AOX1: variants seen among roughly 807,000 people sequenced by gnomAD.
The protein encoded by AOX1 is aldehyde oxidase 1.
A neutral mutation model predicts 169.5 loss-of-function variants in AOX1; 153 were observed. The ratio of observed to expected loss-of-function variants is 0.90; its 90% CI spans 0.79 to 1.03. AOX1 has a LOEUF of 1.03. Among genes scored for constraint, AOX1 ranks in the 50% least tolerant of loss-of-function variants. AOX1 has a pLI of 0.00. For missense variants in AOX1, 1,656 were observed against 1,663.9 expected (o/e 1.00, Z 0.08); for synonymous variants, 562 against 581.9 (o/e 0.97, Z 0.49).
In AOX1 at chr2:200,586,041, C is replaced by A; in HGVS notation, c.-68C>A. ...TCGGCGGGTCGGTGCCGCCGGGTCC[C>A]AGGTGCCCGCTACTTCCCAGAACCT... On this transcript the variant is annotated 5_prime_UTR_variant, in exon 1 of 35. Coordinates refer to ENST00000374700, the MANE Select transcript of AOX1 (RefSeq NM_001159.4). 2.0e-6 allele frequency: 3 copies of A among 1,534,612 alleles called. No homozygotes were observed. Among genetic ancestry groups the A allele is most frequent in the Non-Finnish European group, 2.6e-6 (3 of 1,137,722 alleles).
At chr2:200,673,083 G>A (rs1285219942), downstream of AOX1, among the ~76,000 whole-genome samples, 2 of 152,196 alleles carry the variant, frequency 1.3e-5, no homozygotes, top group East Asian at 3.8e-4. Context: ...TGCTGATGCA[G>A]GTCGTGGGAG....
chr2:200,642,671 G>T lies in AOX1; in HGVS notation c.2717G>T (p.Arg906Leu). The change falls in exon 25 of 35, where the codon CGG (arginine) becomes CTG (leucine). Residue 906 changes from arginine (R) to leucine (L), a missense_variant. Coordinates refer to ENST00000374700, the MANE Select transcript of AOX1 (RefSeq NM_001159.4). ...TACAAGTTTCCCAATCTCCGCTGCC[G>T]GGGTTGGGCATGCAGAACCAACCTT... ...NAYKFPNLRC[R>L]GWACRTNLPS... 7 of 1,614,100 alleles carry T rather than the reference G, an allele frequency of 4.3e-6. No individual in the cohort carries two copies. Among genetic ancestry groups the T allele is most frequent in the Non-Finnish European group, 5.9e-6 (7 of 1,179,992 alleles).
chr2:200,611,400 T>A lies in AOX1; in HGVS notation c.1170T>A (p.Ile390=). 6.2e-7 allele frequency: 1 copy of A among 1,613,374 alleles called. No homozygotes were observed. The highest frequency in any genetic ancestry group is 8.5e-7 in the Non-Finnish European group (1 of 1,179,430). Residue 390 remains isoleucine, a synonymous_variant, in exon 13 of 35, where the codon ATT becomes ATA. Transcript: ENST00000374700. Reference sequence around the variant, plus strand: ...TTTCCACAGAAGGAAAACGACAGATTCCTTTAAATGAGCAATTCCTCAGCA... The same window carrying A: ...TTTCCACAGAAGGAAAACGACAGATACCTTTAAATGAGCAATTCCTCAGCA... ...NLLSKEGKRQ[I]PLNEQFLSKC...
chr2:200,586,181 C>A (rs1402964014), intron 1 of AOX1, 28 bp downstream of exon 1: 3 of 1,544,338 alleles, frequency 1.9e-6, no homozygotes, highest in Admixed American at 2.0e-5. Flanking sequence ...TCCTCTGCCC[C>A]CAGACCTGCG....
chr2:200,658,004 A>T (rs2035729393), intron 27 of AOX1, among the ~76,000 whole-genome samples: 1 of 152,198 alleles, frequency 6.6e-6, no homozygotes, highest in South Asian at 2.1e-4. Flanking sequence ...CTTTACAATC[A>T]TGAATTGTAT....
rs144294162 is a variant in AOX1, at chr2:200,605,481, C to T, written c.815-55C>T. 11 of 770,808 alleles carry T rather than the reference C, an allele frequency of 1.4e-5. No homozygotes were observed. In the African/African-American group the frequency reaches 1.5e-4, roughly 10 times the overall value. 47.7% of individuals were successfully genotyped at this position (770,808 alleles called of 1,614,324 possible). On this transcript the variant is annotated intron_variant, in intron 9 of 34. Transcript: ENST00000374700. ...TAATAATAATTTCAAATTTAAAAGG[C>T]AGTTAGTTCCTTTATTCTAGTCTTA...
At chr2:200,621,750 T>A (rs1305495027) in intron 18 of AOX1, among the ~76,000 whole-genome samples, 2 of 152,036 alleles carry the variant, frequency 1.3e-5, no homozygotes, top group East Asian at 3.8e-4. Flanking sequence ...TTTTATTTTT[T>A]ATTTTATTTT....
At position 200,621,247 on chromosome 2, in the gene AOX1, G is replaced by A; in HGVS notation, c.2001+1G>A. On this transcript the variant is annotated splice_donor_variant, in intron 18 of 34. Coordinates refer to ENST00000374700, the MANE Select transcript of AOX1 (RefSeq NM_001159.4). LOFTEE classifies it high-confidence loss of function. ...TGAGAAATTTCTGGCGACAGATAAG[G>A]TACTGCATTTTTGCTTTCTATTTGA... is the stretch of plus-strand genomic sequence containing the variant. 1.2e-6 allele frequency: 2 copies of A among 1,609,266 alleles called. No individual in the cohort carries two copies. Among genetic ancestry groups the A allele is most frequent in the Non-Finnish European group, 1.7e-6 (2 of 1,178,834 alleles).
chr2:200,675,703 A>C (rs2036084687), downstream of AOX1, among the ~76,000 whole-genome samples: 2 of 152,150 alleles, frequency 1.3e-5, no homozygotes, highest in Admixed American at 1.3e-4. Flanking sequence ...ATGACTAATA[A>C]TTTATGGCAA....
At chr2:200,644,544 G>A (rs150781163) in intron 25 of AOX1, among the ~76,000 whole-genome samples, 181 of 152,194 alleles carry the variant, frequency 1.2e-3, no homozygotes, top group Middle Eastern at 6.8e-3. Context: ...CTCTTTTTTG[G>A]TATCATGTGA....
chr2:200,597,653 C>T (rs962524910), intron 4 of AOX1, 148 bp downstream of exon 4: 1 of 463,204 alleles, frequency 2.2e-6, no homozygotes, highest in Middle Eastern at 5.4e-4. Context: ...AGAGTGAAGC[C>T]TGGCATATTG....
chr2:200,601,092 G>A (rs73987793), intron 5 of AOX1, among the ~76,000 whole-genome samples: 1 of 33,294 alleles, frequency 3.0e-5, no homozygotes, highest in Non-Finnish European at 6.7e-5. Flanking sequence ...TTTTTTTTTT[G>A]TCACAGTAAG....
intron 19 of AOX1, among the ~76,000 whole-genome samples, chr2:200,625,525 A>C (rs1028262410): frequency 6.6e-6 from 1 of 152,236 alleles, no homozygotes; most frequent in African/African-American, 2.4e-5. Context: ...GAGTTGCCTC[A>C]CATTGTGTTC....
chr2:200,605,678 A>G (rs1442563110), intron 10 of AOX1, 50 bp downstream of exon 10: 1 of 871,014 alleles, frequency 1.1e-6, no homozygotes, highest in Non-Finnish European at 1.7e-6. Flanking sequence ...TAATCAATTT[A>G]TTTACCTTGC....
intron 26 of AOX1, 77 bp downstream of exon 26, chr2:200,651,278 CCTT>C (rs1318391010): frequency 7.8e-7 from 1 of 1,288,762 alleles, no homozygotes; most frequent in East Asian, 2.3e-5. Flanking sequence ...GGAAACTTCT[CCTT>C]AAGTCATATT....
At chr2:200,597,037 C>T (rs948052463) in intron 3 of AOX1, among the ~76,000 whole-genome samples, 3 of 152,150 alleles carry the variant, frequency 2.0e-5, no homozygotes, top group Non-Finnish European at 2.9e-5. Context: ...GGAGACCTGG[C>T]CTGCCATAGG....
At chr2:200,642,247 A>G (rs1359542233) in intron 24 of AOX1, among the ~76,000 whole-genome samples, 1 of 152,146 alleles carries the variant, frequency 6.6e-6, no homozygotes, top group Admixed American at 6.5e-5. Context: ...ATTAGACCCA[A>G]TGCCAAAACA....
In AOX1 at chr2:200,611,387, GA is replaced by G; in HGVS notation, c.1161del (p.Lys387AsnfsTer6). ...NCTLNLLSKE[G>X]KRQIPLNEQF... is the part of the protein sequence containing the mutation. Reference sequence around the variant, plus strand: ...AAAGTGTCATTTCTTTCCACAGAAGGAAAACGACAGATTCCTTTAAATGAGC... The same window carrying G: ...AAAGTGTCATTTCTTTCCACAGAAGGAAACGACAGATTCCTTTAAATGAGC... On this transcript the variant is annotated frameshift_variant, in exon 13 of 35. Coordinates refer to ENST00000374700, the MANE Select transcript of AOX1 (RefSeq NM_001159.4). LOFTEE classifies it high-confidence loss of function. The G allele has an allele frequency of 6.2e-7, 1 of 1,609,828 alleles. No homozygotes were observed. Among genetic ancestry groups the G allele is most frequent in the Non-Finnish European group, 8.5e-7 (1 of 1,176,310 alleles).
In AOX1 at chr2:200,668,666, A is replaced by C. The variant is rs1559263889; in HGVS notation, c.3661A>C (p.Asn1221His). Residue 1221 changes from asparagine to histidine, a missense_variant, in exon 33 of 35, where the codon AAT (asparagine) becomes CAT (histidine). Transcript: ENST00000374700. Reference protein sequence around the residue: ...GMGLYTIEELNYSPQGILHTR... With the variant: ...GMGLYTIEELHYSPQGILHTR... ...GGGACTTTATACAATAGAGGAACTG[A>C]ATTATTCTCCCCAGGGCATTCTGCA... 1 of 1,614,152 alleles carries C rather than the reference A, an allele frequency of 6.2e-7. No homozygotes were observed. The highest frequency in any genetic ancestry group is 1.1e-5 in the South Asian group (1 of 91,066).
Sources: gnomAD v4.1 joint callset for allele counts (sites outside exome capture counted in the v4.1 genomes callset) on GRCh38, gnomAD v4.1.1 for gene constraint, MANE v1.5 for transcripts, NCBI Gene and HGNC (gene_info 2026-07-23, HGNC 2026-07-21) for gene names.